Variants in PEX5L observed in about 807,000 individuals in gnomAD.
The protein encoded by PEX5L is peroxisomal biogenesis factor 5 like, also known as PEX5-related protein.
PEX5L carries 30 observed loss-of-function variants against 84.0 expected under a neutral mutation model. The ratio of observed to expected loss-of-function variants is 0.36; its 90% CI spans 0.27 to 0.48. PEX5L has a LOEUF of 0.48. Ranked by LOEUF, PEX5L falls within the 20% of genes least tolerant of loss-of-function variation. PEX5L has a pLI of 0.99. For missense variants in PEX5L, 533 were observed against 754.6 expected (o/e 0.71, Z 3.44); for synonymous variants, 270 against 283.1 (o/e 0.95, Z 0.46).
At chr3:179,987,338 G>T (rs904382463) in intron 1 of PEX5L, among the ~76,000 whole-genome samples, 6 of 143,406 alleles carry the variant, frequency 4.2e-5, no homozygotes, top group Admixed American at 2.2e-4. Flanking sequence ...CCATTTAAAA[G>T]GTTGAATTAA....
intron 2 of PEX5L, among the ~76,000 whole-genome samples, chr3:179,899,529 C>CAATT (rs1760574257): frequency 6.6e-6 from 1 of 152,068 alleles, no homozygotes; most frequent in Non-Finnish European, 1.5e-5. Flanking sequence ...AAAAAGGATA[C>CAATT]AATTACATCA....
chr3:179,998,552 A>G (rs1418918230), intron 1 of PEX5L, among the ~76,000 whole-genome samples: 3 of 151,582 alleles, frequency 2.0e-5, no homozygotes, highest in East Asian at 1.9e-4. Context: ...GCAGATAACT[A>G]CTCTCCTTTT....
At position 179,831,775 on chromosome 3, in the gene PEX5L, T is replaced by C. The variant is rs142288416; in HGVS notation, c.823-11799A>G. Among the ~76,000 whole-genome samples the C allele has an allele frequency of 2.8e-4, 42 of 151,972 alleles. 1 individual carries two copies. The highest frequency in any genetic ancestry group is 9.9e-4 in the African/African-American group (41 of 41,460). On this transcript the variant is annotated intron_variant, in intron 8 of 14. Coordinates refer to ENST00000467460, the MANE Select transcript of PEX5L (RefSeq NM_016559.3). ...CATGTAATGGCACGAGGAAAGAAAATTTCCAGTAGGAGGAACAGCATATGT... is the reference window on the plus strand; with the variant it reads ...CATGTAATGGCACGAGGAAAGAAAACTTCCAGTAGGAGGAACAGCATATGT...
At chr3:179,991,250 A>G (rs1398373286) in intron 1 of PEX5L, among the ~76,000 whole-genome samples, 1 of 152,208 alleles carries the variant, frequency 6.6e-6, no homozygotes, top group Non-Finnish European at 1.5e-5. Context: ...CAGGCCACAA[A>G]TAATTTCAAG....
chr3:180,025,117 G>T lies in PEX5L; in HGVS notation c.21+11462C>A, dbSNP rs567477996. On this transcript the variant is annotated intron_variant, in intron 1 of 14. Transcript: ENST00000467460. ...ATTACAGTGGCAATCTAATTATAAG[G>T]TTTATAAGGTTTCCCTGTAATTGAT... Among the ~76,000 whole-genome samples the T allele has an allele frequency of 3.9e-5, 6 of 152,242 alleles. No homozygotes were observed. The East Asian group carries it at 1.2e-3, about 29-fold the overall frequency.
chr3:179,863,324 C>G (rs1435587719), intron 7 of PEX5L, among the ~76,000 whole-genome samples: 1 of 151,070 alleles, frequency 6.6e-6, no homozygotes, highest in Non-Finnish European at 1.5e-5. Context: ...GCAACAAAAG[C>G]AAAATAGGCA....
At chr3:179,830,630 C>T (rs779571509) in intron 8 of PEX5L, among the ~76,000 whole-genome samples, 1 of 152,126 alleles carries the variant, frequency 6.6e-6, no homozygotes, top group African/African-American at 2.4e-5. Flanking sequence ...CAAAATCATC[C>T]CATATTTTCC....
At chr3:179,813,313 G>A (rs1724605619) in intron 10 of PEX5L, among the ~76,000 whole-genome samples, 1 of 152,014 alleles carries the variant, frequency 6.6e-6, no homozygotes, top group African/African-American at 2.4e-5. Context: ...TCTTATTTAT[G>A]AATCTGAGAT....
intron 4 of PEX5L, among the ~76,000 whole-genome samples, chr3:179,883,488 G>C (rs1183943428): frequency 6.6e-6 from 1 of 152,228 alleles, no homozygotes; most frequent in Non-Finnish European, 1.5e-5. Flanking sequence ...CAGTGGTTAA[G>C]ACTGTCTGAG....
At chr3:179,938,360 T>A (rs1431936737) in intron 2 of PEX5L, among the ~76,000 whole-genome samples, 2 of 152,220 alleles carry the variant, frequency 1.3e-5, no homozygotes, top group Non-Finnish European at 2.9e-5. Flanking sequence ...TAGAAGGTAT[T>A]TAATCTGTTA....
rs1553807980 is a variant in PEX5L at position 179,797,605 on chromosome 3, A to AAATATATATATATAT, written c.*4222_*4223insATATATATATATATT. ...AACACTCTTTAAAAAAAAAAAAAAA[A>AAATATATATATATAT]ATATATATATATATATATATATATA... On this transcript the variant is annotated 3_prime_UTR_variant, in exon 15 of 15. Transcript: ENST00000467460. The AAATATATATATATAT allele has an allele frequency of 1.9e-4, 17 of 89,150 alleles. No individual in the cohort carries two copies. Among genetic ancestry groups the AAATATATATATATAT allele is most frequent in the African/African-American group, 7.7e-4 (17 of 22,208 alleles). 5.5% of individuals were successfully genotyped at this position (89,150 alleles called of 1,614,324 possible).
intron 8 of PEX5L, among the ~76,000 whole-genome samples, chr3:179,844,154 T>C (rs866338945): frequency 3.3e-5 from 5 of 152,202 alleles, no homozygotes; most frequent in South Asian, 2.1e-4. Flanking sequence ...GGTCTGTATA[T>C]ATTTGAGTGC....
chr3:180,029,469 T>C (rs1303768046), intron 1 of PEX5L, among the ~76,000 whole-genome samples: 1 of 152,240 alleles, frequency 6.6e-6, no homozygotes, highest in Non-Finnish European at 1.5e-5. Flanking sequence ...ATAGGTTTGT[T>C]GTGCATTTTT....
intron 2 of PEX5L, among the ~76,000 whole-genome samples, chr3:179,914,286 C>G (rs1302016907): frequency 3.3e-5 from 5 of 152,148 alleles, no homozygotes; most frequent in African/African-American, 1.2e-4. Flanking sequence ...AACACTTCCT[C>G]CCCGACAGCA....
intron 2 of PEX5L, among the ~76,000 whole-genome samples, chr3:179,968,217 T>A (rs944500333): frequency 1.3e-5 from 2 of 152,186 alleles, no homozygotes; most frequent in Admixed American, 6.6e-5. Flanking sequence ...AAAATTGTTA[T>A]CTAGGTCCAG....
intron 1 of PEX5L, among the ~76,000 whole-genome samples, chr3:180,035,601 T>A (rs1791835159): frequency 2.0e-5 from 3 of 152,166 alleles, no homozygotes; most frequent in African/African-American, 7.2e-5. Context: ...GTCATAAATA[T>A]AACAACATAT....
At chr3:179,804,681 C>T (rs1019333526) in intron 14 of PEX5L, among the ~76,000 whole-genome samples, 3 of 152,210 alleles carry the variant, frequency 2.0e-5, no homozygotes, top group Non-Finnish European at 2.9e-5. Flanking sequence ...CTTGAGGGAG[C>T]GGTCCCAAGA....
chr3:179,871,130 T>C (rs1410270777), intron 7 of PEX5L, among the ~76,000 whole-genome samples: 1 of 137,580 alleles, frequency 7.3e-6, no homozygotes, highest in African/African-American at 2.8e-5. Context: ...TTTGGCTGAG[T>C]CTCGCTCTGT....
chr3:179,928,283 T>C (rs1014511501), intron 2 of PEX5L, among the ~76,000 whole-genome samples: 2 of 152,210 alleles, frequency 1.3e-5, no homozygotes, highest in Admixed American at 1.3e-4. Context: ...CTCAATAATA[T>C]TTGCCAGATT....
Sources: allele counts gnomAD v4.1 joint callset (sites outside exome capture counted in the v4.1 genomes callset), GRCh38; gene constraint gnomAD v4.1.1; transcripts MANE v1.5; gene names NCBI Gene and HGNC (gene_info 2026-07-23, HGNC 2026-07-21).